The following PLEKHG1 variants were observed in gnomAD, a reference collection of about 807,000 sequenced individuals.
PLEKHG1 encodes pleckstrin homology and RhoGEF domain containing G1.
A neutral mutation model predicts 100.8 loss-of-function variants in PLEKHG1; 44 were observed. That is an observed-to-expected ratio of 0.44 (90% CI 0.34 to 0.56). The LOEUF is 0.56. Among genes scored for constraint, PLEKHG1 ranks in the 20% least tolerant of loss-of-function variants. The probability of loss-of-function intolerance (pLI) is 0.01; values close to 1 mark genes in which losing one functional copy is unlikely to be tolerated. For synonymous variants in PLEKHG1, 640 were observed against 662.5 expected (o/e 0.97, Z 0.52); for missense variants, 1,545 against 1,720.9 (o/e 0.90, Z 1.81).
chr6:150,704,058 T>A (rs1302795684), intron 3 of PLEKHG1, among the ~76,000 whole-genome samples: 8 of 140,184 alleles, frequency 5.7e-5, no homozygotes, highest in Admixed American at 4.7e-4. Flanking sequence ...ATAACAACTT[T>A]ATCGGTGCTG....
At chr6:150,617,575 G>A (rs1304074312) in intron 1 of PLEKHG1, among the ~76,000 whole-genome samples, 2 of 152,162 alleles carry the variant, frequency 1.3e-5, no homozygotes, top group East Asian at 3.8e-4. Flanking sequence ...AAATCTCCTT[G>A]TCTCTGTTTC....
At chr6:150,676,768 A>G (rs1308822384) in intron 3 of PLEKHG1, among the ~76,000 whole-genome samples, 3 of 152,222 alleles carry the variant, frequency 2.0e-5, no homozygotes, top group Non-Finnish European at 4.4e-5. Flanking sequence ...CAGCCTACAT[A>G]TCTAAAAATG....
intron 3 of PLEKHG1, among the ~76,000 whole-genome samples, chr6:150,682,943 C>G (rs949801905): frequency 8.5e-5 from 13 of 152,316 alleles, no homozygotes; most frequent in African/African-American, 3.1e-4. Flanking sequence ...CAGCCCCACC[C>G]TTACCCCAAG....
intron 3 of PLEKHG1, among the ~76,000 whole-genome samples, chr6:150,784,195 C>T (rs1452067917): frequency 2.0e-5 from 3 of 152,188 alleles, no homozygotes; most frequent in Admixed American, 6.5e-5. Flanking sequence ...CAAATTTGTA[C>T]ATTTGCTCAG....
At chr6:150,783,598 G>A (rs181388292) in intron 3 of PLEKHG1, among the ~76,000 whole-genome samples, 22 of 152,192 alleles carry the variant, frequency 1.4e-4, no homozygotes, top group African/African-American at 5.1e-4. Flanking sequence ...CCGAACTCCT[G>A]ACCTCAGGTC....
At chr6:150,823,985 C>T (rs1165892410) in intron 14 of PLEKHG1, among the ~76,000 whole-genome samples, 2 of 152,196 alleles carry the variant, frequency 1.3e-5, no homozygotes, top group Non-Finnish European at 2.9e-5. Context: ...CCGGTGCTCA[C>T]GTGAGCCACC....
chr6:150,640,647 C>A (rs932335129), intron 2 of PLEKHG1, among the ~76,000 whole-genome samples: 1 of 152,300 alleles, frequency 6.6e-6, no homozygotes, highest in Admixed American at 6.5e-5. Context: ...TCCTCTCAGG[C>A]CTTGTGTAAG....
intron 3 of PLEKHG1, among the ~76,000 whole-genome samples, chr6:150,773,749 T>C (rs1021839807): frequency 6.6e-6 from 1 of 152,238 alleles, no homozygotes; most frequent in Non-Finnish European, 1.5e-5. Flanking sequence ...TATTGGGATT[T>C]TTATTGAAAT....
chr6:150,674,534 T>C (rs1582923913), intron 3 of PLEKHG1, among the ~76,000 whole-genome samples: 1 of 152,058 alleles, frequency 6.6e-6, no homozygotes, highest in Admixed American at 6.6e-5. Context: ...AAAGCATTGT[T>C]ATCAGTTATT....
At chr6:150,764,179 G>A (rs949652676) in intron 2 of PLEKHG1, among the ~76,000 whole-genome samples, 3 of 150,040 alleles carry the variant, frequency 2.0e-5, no homozygotes. Flanking sequence ...GTGCAGTGGT[G>A]CAATCTCAGC....
At chr6:150,770,513 T>G (rs913927619) in intron 3 of PLEKHG1, among the ~76,000 whole-genome samples, 2 of 152,228 alleles carry the variant, frequency 1.3e-5, no homozygotes, top group African/African-American at 4.8e-5. Flanking sequence ...GGAAGCTGGA[T>G]CCTACCTTCA....
chr6:150,602,776 C>G (rs1776407232), intron 1 of PLEKHG1, among the ~76,000 whole-genome samples: 1 of 152,120 alleles, frequency 6.6e-6, no homozygotes, highest in Non-Finnish European at 1.5e-5. Flanking sequence ...CTTCTCTCTC[C>G]CCTGCCCCTC....
intron 3 of PLEKHG1, among the ~76,000 whole-genome samples, chr6:150,712,342 G>A (rs1042210285): frequency 6.6e-6 from 1 of 152,132 alleles, no homozygotes; most frequent in African/African-American, 2.4e-5. Flanking sequence ...TTTAGACAAA[G>A]CAAGACTGGG....
chr6:150,765,149 A>G (rs552356231), intron 2 of PLEKHG1, among the ~76,000 whole-genome samples: 1 of 152,242 alleles, frequency 6.6e-6, no homozygotes, highest in East Asian at 1.9e-4. Flanking sequence ...ATTTTTGGGT[A>G]AACAGACTAC....
At chr6:150,719,942 A>G (rs150115517), upstream of PLEKHG1, among the ~76,000 whole-genome samples, 1 of 152,340 alleles carries the variant, frequency 6.6e-6, no homozygotes, top group African/African-American at 2.4e-5. Context: ...TTTGAAAGGA[A>G]ATCAGCATTA....
intron 3 of PLEKHG1, among the ~76,000 whole-genome samples, chr6:150,774,760 G>A (rs1377740875): frequency 3.3e-5 from 5 of 151,570 alleles, no homozygotes; most frequent in East Asian, 3.9e-4. Context: ...GGCTGGTCAC[G>A]AACTCCTTAA....
At chr6:150,672,774 G>C (rs557832960) in intron 3 of PLEKHG1, among the ~76,000 whole-genome samples, 38 of 152,274 alleles carry the variant, frequency 2.5e-4, no homozygotes, top group African/African-American at 9.1e-4. Flanking sequence ...AGATAAAAAA[G>C]ATAAGATTAA....
chr6:150,811,287 A>T (rs77843976), intron 10 of PLEKHG1, among the ~76,000 whole-genome samples: 4 of 121,996 alleles, frequency 3.3e-5, no homozygotes, highest in Non-Finnish European at 5.2e-5. Context: ...TTTTTTTTTT[A>T]AAGACAGGAT....
chr6:150,689,735 A>G (rs893241051), intron 3 of PLEKHG1, among the ~76,000 whole-genome samples: 1 of 152,080 alleles, frequency 6.6e-6, no homozygotes, highest in Non-Finnish European at 1.5e-5. Context: ...CATGCCTGTA[A>G]TGCCAGCTAC....
Sources: allele counts gnomAD v4.1 joint callset (sites outside exome capture counted in the v4.1 genomes callset), GRCh38; gene constraint gnomAD v4.1.1; transcripts MANE v1.5; gene names NCBI Gene and HGNC (gene_info 2026-07-23, HGNC 2026-07-21).